Variants in HNF4G observed in about 807,000 individuals in gnomAD.
HNF4G encodes hepatocyte nuclear factor 4 gamma.
HNF4G carries 21 observed loss-of-function variants against 50.9 expected under a neutral mutation model. That is an observed-to-expected ratio of 0.41 (90% confidence interval 0.29 to 0.59). The LOEUF is 0.59. HNF4G is among the 20% of genes least tolerant of loss of function. The pLI is 0.26. For missense variants in HNF4G, 527 were observed against 559.4 expected (o/e 0.94, Z 0.58); for synonymous variants, 198 against 185.6 (o/e 1.07, Z -0.54).
intron 1 of HNF4G, among the ~76,000 whole-genome samples, chr8:75,471,131 G>A (rs73343064): frequency 0.015 from 2,349 of 152,186 alleles, 63 homozygotes; most frequent in African/African-American, 0.054. Flanking sequence ...TCAGGTAGTG[G>A]AGCATACTAT....
At chr8:75,476,570 A>C (rs1245977022) in intron 1 of HNF4G, among the ~76,000 whole-genome samples, 1 of 152,194 alleles carries the variant, frequency 6.6e-6, no homozygotes, top group Non-Finnish European at 1.5e-5. Context: ...GTCATTTAGC[A>C]TTTGTGAGAA....
chr8:75,515,807 C>T lies in HNF4G; in HGVS notation c.-24+25599C>T, dbSNP rs992844584. ...TGAGATGGAATTTCATTCTTGTTGCCCAGGCTGGAGTGCAATGGTGTGATC... is the reference window on the plus strand; with the variant it reads ...TGAGATGGAATTTCATTCTTGTTGCTCAGGCTGGAGTGCAATGGTGTGATC... On this transcript the variant is annotated intron_variant, in intron 2 of 10. Coordinates refer to the HNF4G transcript ENST00000354370. Among the ~76,000 whole-genome samples the T allele has an allele frequency of 6.6e-5, 10 of 151,856 alleles. No individual in the cohort carries two copies. In the East Asian group the frequency reaches 1.2e-3, roughly 18 times the overall value.
At chr8:75,532,472 T>C (rs1260803947) in intron 2 of HNF4G, among the ~76,000 whole-genome samples, 1 of 152,070 alleles carries the variant, frequency 6.6e-6, no homozygotes, top group Non-Finnish European at 1.5e-5. Flanking sequence ...ATTTTTAAAA[T>C]TATATTTATG....
chr8:75,445,800 C>T (rs967174903), intron 1 of HNF4G, among the ~76,000 whole-genome samples: 1 of 145,554 alleles, frequency 6.9e-6, no homozygotes, highest in African/African-American at 2.6e-5. Context: ...AGTTTACCAA[C>T]AAAAAAGAGT....
intron 5 of HNF4G, 41 bp downstream of exon 5, chr8:75,553,238 T>C: frequency 6.6e-7 from 1 of 1,524,360 alleles, no homozygotes; most frequent in Non-Finnish European, 9.0e-7. Context: ...AAAATGCTTC[T>C]TGAACTTTGC....
chr8:75,514,224 T>A (rs1563536261), intron 2 of HNF4G, among the ~76,000 whole-genome samples: 1 of 151,996 alleles, frequency 6.6e-6, no homozygotes. Context: ...TGATTTTTTT[T>A]GGTCTTCAAA....
rs570412707 is a variant in HNF4G at position 75,552,464 on chromosome 8, C to T, written c.490-578C>T. Among the ~76,000 whole-genome samples the T allele has an allele frequency of 7.9e-5, 12 of 152,202 alleles. No homozygotes were observed. In the East Asian group the frequency reaches 2.1e-3, roughly 27 times the overall value. On this transcript the variant is annotated intron_variant, in intron 4 of 9. Coordinates refer to ENST00000396423, the MANE Select transcript of HNF4G (RefSeq NM_004133.5). ...CTAAAATTACAAATTTACAAATTTA[C>T]AAATCTTACAAATTTATTATATGTT... is the stretch of plus-strand genomic sequence containing the variant.
chr8:75,463,472 G>A (rs1475564839), intron 1 of HNF4G, among the ~76,000 whole-genome samples: 1 of 152,076 alleles, frequency 6.6e-6, no homozygotes, highest in Non-Finnish European at 1.5e-5. Context: ...TGAAAGGCTA[G>A]GATCTGGCCA....
At chr8:75,517,763 A>G (rs1805931392) in intron 2 of HNF4G, among the ~76,000 whole-genome samples, 1 of 152,032 alleles carries the variant, frequency 6.6e-6, no homozygotes, top group Admixed American at 6.6e-5. Flanking sequence ...CAAGTCTACC[A>G]TTCTGGGGTC....
At chr8:75,501,301 T>G (rs1812920169) in intron 2 of HNF4G, among the ~76,000 whole-genome samples, 1 of 151,728 alleles carries the variant, frequency 6.6e-6, no homozygotes, top group African/African-American at 2.4e-5. Flanking sequence ...AAAAAAATAA[T>G]CCAGGCATGG....
chr8:75,560,320 A>G, intron 8 of HNF4G, 24 bp from the exon 9 acceptor site: 4 of 1,610,328 alleles, frequency 2.5e-6, no homozygotes, highest in Non-Finnish European at 3.4e-6. Flanking sequence ...TATCACTAAC[A>G]CAGCATCTTT....
chr8:75,449,479 A>C (rs1027293835), intron 1 of HNF4G, among the ~76,000 whole-genome samples: 2 of 150,536 alleles, frequency 1.3e-5, no homozygotes, highest in African/African-American at 4.9e-5. Context: ...TCATATATGC[A>C]TTATCTCAGT....
intron 1 of HNF4G, among the ~76,000 whole-genome samples, chr8:75,437,961 A>G (rs1811179678): frequency 6.6e-6 from 1 of 152,172 alleles, no homozygotes; most frequent in Non-Finnish European, 1.5e-5. Flanking sequence ...TATGAGTGAA[A>G]TAGGCATTTC....
chr8:75,551,521 C>T, intron 4 of HNF4G, 27 bp downstream of exon 4: 1 of 1,306,304 alleles, frequency 7.7e-7, no homozygotes, highest in Non-Finnish European at 1.1e-6. Flanking sequence ...AGCATCAAAC[C>T]CTATTTAATA....
chr8:75,458,250 G>A (rs1384504222), intron 1 of HNF4G, among the ~76,000 whole-genome samples: 2 of 151,890 alleles, frequency 1.3e-5, no homozygotes, highest in Admixed American at 6.6e-5. Context: ...GATAAGAGAG[G>A]GTTAAATACC....
At chr8:75,513,934 C>G (rs946335479) in intron 2 of HNF4G, among the ~76,000 whole-genome samples, 1 of 151,638 alleles carries the variant, frequency 6.6e-6, no homozygotes, top group African/African-American at 2.4e-5. Context: ...TTTAAATGTT[C>G]ATGAATCATT....
chr8:75,516,570 CAACT>C (rs1474971155), intron 2 of HNF4G, among the ~76,000 whole-genome samples: 2 of 152,016 alleles, frequency 1.3e-5, no homozygotes, highest in Non-Finnish European at 2.9e-5. Context: ...CTATAAATGT[CAACT>C]AGATAAAGTT....
intron 1 of HNF4G, among the ~76,000 whole-genome samples, chr8:75,480,721 C>CTTTTTTTTTT (rs1336807468): frequency 8.2e-6 from 1 of 122,436 alleles, no homozygotes; most frequent in Non-Finnish European, 1.7e-5. Flanking sequence ...CTTTTTCTTT[C>CTTTTTTTTTT]TTTTTTTTTT....
intron 1 of HNF4G, among the ~76,000 whole-genome samples, chr8:75,423,883 G>T (rs1554566661): frequency 7.3e-6 from 1 of 136,162 alleles, no homozygotes; most frequent in Non-Finnish European, 1.6e-5. Context: ...GAGTGCAGTG[G>T]GGTGATCTTG....
Sources: gnomAD v4.1 joint callset for allele counts (sites outside exome capture counted in the v4.1 genomes callset) on GRCh38, gnomAD v4.1.1 for gene constraint, MANE v1.5 for transcripts, NCBI Gene and HGNC (gene_info 2026-07-23, HGNC 2026-07-21) for gene names.